The following ARID1B variants were observed in gnomAD, a reference collection of about 807,000 sequenced individuals.
The protein encoded by ARID1B is AT-rich interactive domain-containing protein 1B.
Under a neutral mutation model 212.3 loss-of-function variants are expected in ARID1B, and 30 were observed. That is an observed-to-expected ratio of 0.14 (90% CI 0.11 to 0.19). The LOEUF (loss-of-function observed/expected upper bound fraction) is 0.19. ARID1B is among the 10% of genes least tolerant of loss of function. ARID1B has a pLI of 1.00. For synonymous variants in ARID1B, 1,402 were observed against 1,301.7 expected, an observed-to-expected ratio of 1.08 and a Z score of -1.66; for missense variants, 2,891 against 3,204.0, an observed-to-expected ratio of 0.90 and a Z score of 2.36.
At chr6:157,189,840 T>C (rs1365687609) in intron 14 of ARID1B, 60 bp downstream of exon 14, 1 of 1,606,888 alleles carries the variant, frequency 6.2e-7, no homozygotes, top group South Asian at 1.1e-5. Flanking sequence ...TTTAGTTTTC[T>C]GGGGCAAACT....
intron 2 of ARID1B, among the ~76,000 whole-genome samples, chr6:156,898,832 G>A (rs1788696922): frequency 6.6e-6 from 1 of 152,100 alleles, no homozygotes; most frequent in Admixed American, 6.5e-5. Context: ...TTAGCCGGGT[G>A]TGGTGGCTCA....
At chr6:157,199,925 C>G (rs200868586) in intron 17 of ARID1B, among the ~76,000 whole-genome samples, 2 of 152,268 alleles carry the variant, frequency 1.3e-5, no homozygotes, top group East Asian at 3.9e-4. Flanking sequence ...CCTCAGCCTC[C>G]CAAAGTGCTG....
intron 16 of ARID1B, among the ~76,000 whole-genome samples, chr6:157,196,677 C>G (rs891606113): frequency 1.6e-4 from 24 of 152,194 alleles, no homozygotes; most frequent in Non-Finnish European, 2.5e-4. Context: ...GATGCCTGGG[C>G]CTCCACAGCA....
intron 4 of ARID1B, among the ~76,000 whole-genome samples, chr6:157,046,241 T>C (rs1422342349): frequency 6.6e-6 from 1 of 152,178 alleles, no homozygotes; most frequent in Non-Finnish European, 1.5e-5. Flanking sequence ...TACACAAGTC[T>C]AAAACTCAGA....
intron 1 of ARID1B, among the ~76,000 whole-genome samples, chr6:156,793,161 C>T (rs1026026234): frequency 3.9e-5 from 6 of 152,018 alleles, no homozygotes; most frequent in Non-Finnish European, 8.8e-5. Context: ...ATGGCTGGCA[C>T]CTGAGAAGGC....
intron 4 of ARID1B, among the ~76,000 whole-genome samples, chr6:156,968,352 T>C (rs1000274439): frequency 3.3e-5 from 5 of 151,280 alleles, no homozygotes; most frequent in Non-Finnish European, 7.4e-5. Flanking sequence ...AAAAATGTAA[T>C]GTAAAGATAT....
rs1016689236 is a variant in ARID1B, at chr6:157,190,965, A to C, written c.4231+755A>C. Reference sequence around the variant, plus strand: ...AGGAGGTGGTGGGTGTCCAGAGCACAGTGAGCATGGGCCCGGGGACAGGCT... The same window carrying C: ...AGGAGGTGGTGGGTGTCCAGAGCACCGTGAGCATGGGCCCGGGGACAGGCT... On this transcript the variant is annotated intron_variant, in intron 15 of 19. Coordinates refer to ENST00000636930, the MANE Select transcript of ARID1B (RefSeq NM_001374828.1). This position sits in a 1 kb window ranked among gnomAD's most constrained non-coding sequence, Gnocchi z 4.6. 1.3e-5 allele frequency among the ~76,000 whole-genome samples: 2 copies of C among 152,008 alleles called. No homozygotes were observed. The highest frequency in any genetic ancestry group is 2.4e-5 in the African/African-American group (1 of 41,386).
chr6:156,885,594 T>G (rs1250585405), intron 2 of ARID1B, among the ~76,000 whole-genome samples: 3 of 152,240 alleles, frequency 2.0e-5, no homozygotes, highest in Non-Finnish European at 4.4e-5. Flanking sequence ...TTGGTACATG[T>G]TCCACCTGAT....
intron 1 of ARID1B, among the ~76,000 whole-genome samples, chr6:156,798,584 C>T (rs1780561082): frequency 6.6e-6 from 1 of 152,268 alleles, no homozygotes; most frequent in Non-Finnish European, 1.5e-5. Flanking sequence ...CCTTTGTAGA[C>T]TGAGGGGAAG....
intron 19 of ARID1B, chr6:157,205,129 CT>C (rs2128388105): frequency 6.6e-6 from 1 of 152,304 alleles, no homozygotes; most frequent in East Asian, 1.9e-4. Context: ...TTAACTTTCC[CT>C]TTTCCCCTGG....
chr6:156,958,452 A>G (rs1432671601), intron 4 of ARID1B, among the ~76,000 whole-genome samples: 1 of 152,242 alleles, frequency 6.6e-6, no homozygotes, highest in African/African-American at 2.4e-5. Context: ...TGATGGGAGA[A>G]GGAGAATTTA....
At chr6:157,185,866 C>G (rs1792939659) in intron 13 of ARID1B, 1 of 152,202 alleles carries the variant, frequency 6.6e-6, no homozygotes, top group African/African-American at 2.4e-5. Context: ...GCTCTAAAAA[C>G]AAGTAGAAAT....
intron 8 of ARID1B, among the ~76,000 whole-genome samples, chr6:157,154,568 G>GGTTTTT (rs1554226931): frequency 7.6e-5 from 9 of 118,516 alleles, no homozygotes; most frequent in Middle Eastern, 4.2e-3. Flanking sequence ...CTGCTCTTCT[G>GGTTTTT]TTTTTTTTTT....
At chr6:157,039,878 T>TCCTTCC (rs1296164311) in intron 4 of ARID1B, among the ~76,000 whole-genome samples, 4,394 of 91,544 alleles carry the variant, frequency 0.048, 279 homozygotes, top group East Asian at 0.12. Context: ...TTCTCTTTCT[T>TCCTTCC]TTCTCTTCCT....
chr6:157,170,809 A>G (rs910973926), intron 9 of ARID1B, among the ~76,000 whole-genome samples: 3 of 152,166 alleles, frequency 2.0e-5, no homozygotes, highest in Non-Finnish European at 2.9e-5. Context: ...TGCGTATCCA[A>G]TGAGAGCAGT....
Position 156,822,439 on chromosome 6 carries a change from C to G in ARID1B, c.1792-6788C>G, listed in dbSNP as rs555933642. Among the ~76,000 whole-genome samples, 5 of 152,358 alleles carry G rather than the reference C, an allele frequency of 3.3e-5. No individual in the cohort carries two copies. In the South Asian group the frequency reaches 1.0e-3, roughly 32 times the overall value. ...TGGACCCGAGTTGGGAGACTTGACTCTGGTCTGAGCTCTGCTACCGTGAGC... is the reference window on the plus strand; with the variant it reads ...TGGACCCGAGTTGGGAGACTTGACTGTGGTCTGAGCTCTGCTACCGTGAGC... On this transcript the variant is annotated intron_variant, in intron 1 of 19. Coordinates refer to ENST00000636930, the MANE Select transcript of ARID1B (RefSeq NM_001374828.1).
intron 1 of ARID1B, among the ~76,000 whole-genome samples, chr6:156,812,975 T>TATATACATATATATACACATAC (rs1159448637): frequency 9.7e-6 from 1 of 103,584 alleles, no homozygotes. Flanking sequence ...TGTGTGTGTG[T>TATATACATATATATACACATAC]GTATGTATAT....
At chr6:157,050,081 T>C (rs565845716) in intron 4 of ARID1B, among the ~76,000 whole-genome samples, 58 of 152,184 alleles carry the variant, frequency 3.8e-4, no homozygotes, top group African/African-American at 1.3e-3. Flanking sequence ...GTGGGGTGTC[T>C]CTCCCTGACT....
At chr6:157,022,080 A>G (rs946912015) in intron 4 of ARID1B, among the ~76,000 whole-genome samples, 2 of 152,184 alleles carry the variant, frequency 1.3e-5, no homozygotes, top group Admixed American at 1.3e-4. Context: ...AAAAGCCAGG[A>G]ACTACAGACG....
Sources: allele counts gnomAD v4.1 joint callset (sites outside exome capture counted in the v4.1 genomes callset), GRCh38; gene constraint gnomAD v4.1.1; non-coding constraint Gnocchi (gnomAD v3.1); transcripts MANE v1.5; gene names NCBI Gene and HGNC (gene_info 2026-07-23, HGNC 2026-07-21).